The following PFKFB2 variants were observed in gnomAD, a reference collection of about 807,000 sequenced individuals.
The protein encoded by PFKFB2 is 6-phosphofructo-2-kinase/fructose-2,6-biphosphatase 2.
A neutral mutation model predicts 68.0 loss-of-function variants in PFKFB2; 53 were observed. That is an observed-to-expected ratio of 0.78 (90% CI 0.63 to 0.98). The LOEUF is 0.98. Among genes scored for constraint, PFKFB2 ranks in the 50% least tolerant of loss-of-function variants. The pLI is 0.00. For missense variants in PFKFB2, 451 were observed against 642.0 expected (o/e 0.70, Z 3.22); for synonymous variants, 222 against 227.6 (o/e 0.98, Z 0.22).
Position 207,076,305 on chromosome 1 carries a change from T to C in PFKFB2, c.*3934T>C, listed in dbSNP as rs1256616762. On this transcript the variant is annotated 3_prime_UTR_variant, in exon 15 of 15. Transcript: ENST00000367080. ...ATCTTAATTGACAGAAACTCATTGG[T>C]GGTTGGAGTGGCCAATGGGCACGGG... is the stretch of plus-strand genomic sequence containing the variant. 2.0e-6 allele frequency: 2 copies of C among 981,322 alleles called. No individual in the cohort carries two copies. The highest frequency in any genetic ancestry group is 1.2e-6 in the Non-Finnish European group (1 of 827,228). 60.8% of individuals were successfully genotyped at this position (981,322 alleles called of 1,614,324 possible).
At chr1:207,049,431 C>A (rs1242396123), upstream of PFKFB2, 3 of 1,614,160 alleles carry the variant, frequency 1.9e-6, no homozygotes, top group Admixed American at 1.7e-5. Flanking sequence ...CCCTTTTGAT[C>A]CAGTCACAGT....
intron 1 of PFKFB2, among the ~76,000 whole-genome samples, chr1:207,039,206 G>A (rs1288355262): frequency 6.6e-6 from 1 of 152,092 alleles, no homozygotes; most frequent in Non-Finnish European, 1.5e-5. Context: ...AACTCAAATT[G>A]ATCAATGTAC....
chr1:207,071,153 A>G (rs778452600), intron 12 of PFKFB2, 35 bp from the exon 13 acceptor site: 3 of 1,567,276 alleles, frequency 1.9e-6, no homozygotes, highest in African/African-American at 1.4e-5. Flanking sequence ...CCATAATACT[A>G]AGAGACTTCC....
chr1:207,080,954 C>A (rs892229145), downstream of PFKFB2: 2 of 152,042 alleles, frequency 1.3e-5, no homozygotes, highest in Non-Finnish European at 1.5e-5. Flanking sequence ...TTAATAAAAT[C>A]ATGCTAAAAT....
chr1:207,036,721 T>G (rs1224809250), intron 1 of PFKFB2, among the ~76,000 whole-genome samples: 2 of 152,156 alleles, frequency 1.3e-5, no homozygotes, highest in Non-Finnish European at 2.9e-5. Flanking sequence ...AAAACCATGT[T>G]TTTCCTATAA....
chr1:207,068,118 CTG>C (rs1558063564), intron 9 of PFKFB2, 43 bp from the exon 10 acceptor site: 2 of 874,880 alleles, frequency 2.3e-6, no homozygotes, highest in South Asian at 1.6e-5. Flanking sequence ...GTGTGTGTGT[CTG>C]TGTGTTTTCT....
intron 2 of PFKFB2, chr1:207,045,369 A>T (rs1190501070): frequency 2.0e-5 from 3 of 152,536 alleles, no homozygotes; most frequent in Non-Finnish European, 2.9e-5. Context: ...TCAAAACACC[A>T]GAATGTTGTG....
At chr1:207,069,375 G>C (rs1223946099) in intron 10 of PFKFB2, 49 bp from the exon 11 acceptor site, 2 of 1,226,430 alleles carry the variant, frequency 1.6e-6, no homozygotes, top group East Asian at 4.6e-5. Context: ...GATGGGGCTG[G>C]TGTGGTACAG....
chr1:207,049,106 T>G (rs150517912), upstream of PFKFB2: 2 of 1,613,928 alleles, frequency 1.2e-6, no homozygotes, highest in African/African-American at 2.7e-5. Flanking sequence ...TGACATACCA[T>G]GCATCTCAGG....
intron 9 of PFKFB2, 122 bp from the exon 10 acceptor site, chr1:207,068,041 A>T: frequency 1.2e-6 from 1 of 836,330 alleles, no homozygotes; most frequent in Non-Finnish European, 1.9e-6. Flanking sequence ...GACCATGGTT[A>T]TGCACGTTGT....
Position 207,073,802 on chromosome 1 carries a change from AT to A in PFKFB2, c.*1435del. The A allele has an allele frequency of 1.0e-6, 1 of 985,380 alleles. No individual in the cohort carries two copies. 61.0% of individuals were successfully genotyped at this position (985,380 alleles called of 1,614,324 possible). A position where few individuals can be genotyped will look rare whatever the true frequency, so the allele number is the denominator to read the frequency against. ...CCATGATGGCTTATTCTCTTTCCCA[AT>A]TTTGCATGCAAAATGTACGAATATA... On this transcript the variant is annotated 3_prime_UTR_variant, in exon 15 of 15. Coordinates refer to ENST00000367080, the MANE Select transcript of PFKFB2 (RefSeq NM_006212.2).
chr1:207,049,222 G>A, upstream of PFKFB2: 2 of 1,614,134 alleles, frequency 1.2e-6, no homozygotes, highest in Admixed American at 1.7e-5. Flanking sequence ...AATGGTCAGA[G>A]GAGGTGTATC....
downstream of PFKFB2, chr1:207,079,213 AT>A (rs1683704991): frequency 5.0e-6 from 3 of 601,446 alleles, no homozygotes; most frequent in Non-Finnish European, 8.9e-6. Context: ...ACACTGAAAA[AT>A]TTAACTTCCC....
Position 207,073,891 on chromosome 1 carries a change from TC to T in PFKFB2, c.*1524del. The T allele has an allele frequency of 1.0e-6, 1 of 984,440 alleles. No individual in the cohort carries two copies. The allele number at this position is 984,440 out of a possible 1,614,324, so 61.0% of individuals were successfully genotyped here. A position where few individuals can be genotyped will look rare whatever the true frequency, so the allele number is the denominator to read the frequency against. On this transcript the variant is annotated 3_prime_UTR_variant, in exon 15 of 15. Transcript: ENST00000367080. ...GGGATTTTAAAAAGAGATAGGTGAC[TC>T]CCCACCTTAAAGTTATCTGCTGGTC... is the stretch of plus-strand genomic sequence containing the variant.
upstream of PFKFB2, chr1:207,049,187 G>A (rs1178271102): frequency 6.2e-7 from 1 of 1,613,950 alleles, no homozygotes; most frequent in Non-Finnish European, 8.5e-7. Flanking sequence ...GCTTGTACAA[G>A]AACAATATCA....
rs6667268 is a variant in PFKFB2, at chr1:207,072,659, A to G, written c.*288A>G. On this transcript the variant is annotated 3_prime_UTR_variant, in exon 15 of 15. Transcript: ENST00000367080. ...ATCTGGAGGAGGAGGAAAAAGATAC[A>G]CTCCCTTGGGGCTGAGCATGCCCCA... The G allele has an allele frequency of 0.46, 542,195 of 1,172,332 alleles. 130,680 individuals carry two copies. Among genetic ancestry groups the G allele is most frequent in the East Asian group, 0.76 (16,260 of 21,480 alleles). 72.6% of individuals were successfully genotyped at this position (1,172,332 alleles called of 1,614,324 possible).
Position 207,063,797 on chromosome 1 carries a change from G to T in PFKFB2, c.475G>T (p.Asp159Tyr). The T allele has an allele frequency of 6.2e-7, 1 of 1,613,900 alleles. No homozygotes were observed. The highest frequency in any genetic ancestry group is 8.5e-7 in the Non-Finnish European group (1 of 1,179,872). Reference sequence around the variant, plus strand: ...GGTATTCTTTGTGGAATCCGTCTGTGATGATCCTGATGTCATTGCTGCCAA... The same window carrying T: ...GGTATTCTTTGTGGAATCCGTCTGTTATGATCCTGATGTCATTGCTGCCAA... ...FKVFFVESVC[D>Y]DPDVIAANIL... Residue 159 changes from aspartate to tyrosine, a missense_variant, in exon 7 of 15, where the codon GAT (aspartate) becomes TAT (tyrosine). By Grantham distance (160) the Asp-to-Tyr change is radical (BLOSUM62 -3). Transcript: ENST00000367080. This position sits in a 1 kb window ranked among gnomAD's most constrained non-coding sequence, Gnocchi z 4.1.
At chr1:207,039,967 G>A (rs1682446519) in intron 1 of PFKFB2, among the ~76,000 whole-genome samples, 1 of 152,178 alleles carries the variant, frequency 6.6e-6, no homozygotes, top group Admixed American at 6.6e-5. Flanking sequence ...AGAACAAGGA[G>A]AACAGGCATC....
At chr1:207,052,114 G>C, upstream of PFKFB2, 1 of 1,337,314 alleles carries the variant, frequency 7.5e-7, no homozygotes, top group Non-Finnish European at 1.1e-6. Flanking sequence ...TGCCAAGAGT[G>C]GGTTTATCAA....
Sources: allele counts gnomAD v4.1 joint callset (sites outside exome capture counted in the v4.1 genomes callset), GRCh38; gene constraint gnomAD v4.1.1; non-coding constraint Gnocchi (gnomAD v3.1); transcripts MANE v1.5; gene names NCBI Gene and HGNC (gene_info 2026-07-23, HGNC 2026-07-21).